SDK1: variants seen among roughly 807,000 people sequenced by gnomAD.
SDK1 encodes the protein protein sidekick-1.
Under a neutral mutation model 245.5 loss-of-function variants are expected in SDK1, and 157 were observed. The observed-to-expected ratio is 0.64, with a 90% CI of 0.56 to 0.73. The LOEUF is 0.73. SDK1 is among the 30% of genes least tolerant of loss of function. The probability of loss-of-function intolerance (pLI) is 0.00; values close to 1 mark genes in which losing one functional copy is unlikely to be tolerated. For missense variants in SDK1, 3,583 were observed against 3,002.3 expected (o/e 1.19, Z -4.52); for synonymous variants, 1,647 against 1,278.5 (o/e 1.29, Z -6.15).
At chr7:3,533,895 G>A (rs945331472) in intron 1 of SDK1, among the ~76,000 whole-genome samples, 3 of 151,352 alleles carry the variant, frequency 2.0e-5, no homozygotes, top group Non-Finnish European at 2.9e-5. Flanking sequence ...TAAAAAAACT[G>A]TTATTTTCTT....
At chr7:3,688,295 G>A (rs533425528) in intron 4 of SDK1, among the ~76,000 whole-genome samples, 1 of 152,102 alleles carries the variant, frequency 6.6e-6, no homozygotes, top group Non-Finnish European at 1.5e-5. Flanking sequence ...GCAGTGTGGT[G>A]GTTGAGAGAC....
chr7:3,411,102 A>C (rs948030158), intron 1 of SDK1, among the ~76,000 whole-genome samples: 3 of 152,202 alleles, frequency 2.0e-5, no homozygotes, highest in East Asian at 3.8e-4. Context: ...ACAGAAAGGT[A>C]GGAGTGAGGC....
chr7:3,545,913 A>AT (rs1779211586), intron 1 of SDK1, among the ~76,000 whole-genome samples: 1 of 152,262 alleles, frequency 6.6e-6, no homozygotes. Context: ...GTTGCTGTCC[A>AT]TTTAGTGTAG....
chr7:3,718,508 C>G (rs1171284859), intron 4 of SDK1, among the ~76,000 whole-genome samples: 2 of 148,896 alleles, frequency 1.3e-5, no homozygotes, highest in East Asian at 3.9e-4. Context: ...GGTGACAAAG[C>G]AAAACTGTAT....
intron 20 of SDK1, among the ~76,000 whole-genome samples, chr7:4,075,950 G>A (rs117710301): frequency 0.014 from 2,150 of 152,148 alleles, 46 homozygotes; most frequent in African/African-American, 0.043. Context: ...ACCGTGCCCC[G>A]CAGGTCTTTT....
At chr7:3,397,704 G>T (rs545377973) in intron 1 of SDK1, among the ~76,000 whole-genome samples, 17 of 151,994 alleles carry the variant, frequency 1.1e-4, no homozygotes, top group African/African-American at 4.1e-4. Flanking sequence ...GTAATTTAAT[G>T]TTTCTCATCA....
chr7:4,182,942 CAG>C (rs1413852005), intron 35 of SDK1, among the ~76,000 whole-genome samples: 1 of 152,232 alleles, frequency 6.6e-6, no homozygotes, highest in Non-Finnish European at 1.5e-5. Flanking sequence ...GCAGTCAAAA[CAG>C]AGTTTAATTA....
intron 5 of SDK1, among the ~76,000 whole-genome samples, chr7:3,925,261 C>T (rs1421475507): frequency 6.6e-6 from 1 of 152,118 alleles, no homozygotes; most frequent in Non-Finnish European, 1.5e-5. Flanking sequence ...CAGGAAGAAC[C>T]TTTGATAAGC....
chr7:3,397,299 T>C (rs1778739773), intron 1 of SDK1, among the ~76,000 whole-genome samples: 1 of 152,050 alleles, frequency 6.6e-6, no homozygotes, highest in African/African-American at 2.4e-5. Context: ...ATTGGTACTT[T>C]CAAATTTTTT....
chr7:4,209,729 A>G (rs1242340433), intron 37 of SDK1, among the ~76,000 whole-genome samples: 1 of 151,834 alleles, frequency 6.6e-6, no homozygotes, highest in East Asian at 1.9e-4. Context: ...CCTGCGTTTC[A>G]TTTTCTATTT....
intron 5 of SDK1, among the ~76,000 whole-genome samples, chr7:3,883,639 T>C (rs373080312): frequency 2.0e-3 from 298 of 152,220 alleles, no homozygotes; most frequent in African/African-American, 6.4e-3. Context: ...ATCAAAACTG[T>C]GCCATGAAGA....
At chr7:3,383,843 A>G (rs1781547580) in intron 1 of SDK1, among the ~76,000 whole-genome samples, 1 of 152,224 alleles carries the variant, frequency 6.6e-6, no homozygotes, top group East Asian at 1.9e-4. Context: ...CCAAAGGACA[A>G]CAGTAAATAG....
At chr7:3,737,376 G>T (rs1779345943) in intron 4 of SDK1, among the ~76,000 whole-genome samples, 1 of 152,208 alleles carries the variant, frequency 6.6e-6, no homozygotes, top group African/African-American at 2.4e-5. Flanking sequence ...GGTGCAGGGG[G>T]GCGTCCACTG....
chr7:3,548,666 G>C (rs12536753), intron 1 of SDK1, among the ~76,000 whole-genome samples: 2 of 151,972 alleles, frequency 1.3e-5, no homozygotes, highest in African/African-American at 4.8e-5. Flanking sequence ...CTCCAGAAAG[G>C]CTGTGCTAAA....
At chr7:3,652,665 C>G (rs1203120464) in intron 4 of SDK1, among the ~76,000 whole-genome samples, 1 of 152,096 alleles carries the variant, frequency 6.6e-6, no homozygotes, top group Non-Finnish European at 1.5e-5. Context: ...GGAAACATGC[C>G]AGACTTATGG....
rs1475154582 is a variant in SDK1, at chr7:3,951,908, C to G, written c.1138C>G (p.Leu380Val). Residue 380 changes from leucine to valine, a missense_variant, in exon 7 of 45, where the codon CTT becomes GTT. Leu to Val is a conservative substitution (Grantham distance 32). Coordinates refer to ENST00000404826, the MANE Select transcript of SDK1 (RefSeq NM_152744.4). ...TGAACCGGCCAGGGCGACGGCCTTT[C>G]TTTTCATCATAGGTAATGCGGGAGC... ...AFEPARATAF[L>V]FIIEPPYFTA... 6 of 1,612,640 alleles carry G rather than the reference C, an allele frequency of 3.7e-6. No individual in the cohort carries two copies. In the Admixed American group the frequency reaches 6.7e-5, roughly 18 times the overall value.
chr7:3,626,722 C>G (rs1782131836), intron 2 of SDK1, among the ~76,000 whole-genome samples: 1 of 152,126 alleles, frequency 6.6e-6, no homozygotes, highest in Non-Finnish European at 1.5e-5. Flanking sequence ...GTAGTAACGC[C>G]TTTCTTTTTC....
In SDK1 at chr7:3,626,263, G is replaced by C. The variant is rs538001698; in HGVS notation, c.458+7024G>C. Among the ~76,000 whole-genome samples the C allele has an allele frequency of 3.9e-5, 6 of 152,262 alleles. No individual in the cohort carries two copies. The South Asian group carries it at 1.2e-3, about 32-fold the overall frequency. On this transcript the variant is annotated intron_variant, in intron 2 of 44. Transcript: ENST00000404826. The stretch of plus-strand genomic sequence containing the variant: ...ACCGAAAGGATTTTTAAAATAGAGA[G>C]TAAGAGGACAAAATTGAGTCTATTC...
intron 4 of SDK1, among the ~76,000 whole-genome samples, chr7:3,782,745 T>A (rs945701157): frequency 3.9e-5 from 6 of 152,200 alleles, no homozygotes; most frequent in African/African-American, 1.4e-4. Flanking sequence ...ATATTAGTAG[T>A]TGAGAAAAAT....
Sources: allele counts gnomAD v4.1 joint callset (sites outside exome capture counted in the v4.1 genomes callset), GRCh38; gene constraint gnomAD v4.1.1; transcripts MANE v1.5; gene names NCBI Gene and HGNC (gene_info 2026-07-23, HGNC 2026-07-21).